The following NDUFS4 variants were observed in gnomAD, a reference collection of about 807,000 sequenced individuals.
NDUFS4 encodes NADH dehydrogenase [ubiquinone] iron-sulfur protein 4, mitochondrial.
Under a neutral mutation model 24.3 loss-of-function variants are expected in NDUFS4, and 28 were observed. That is an observed-to-expected ratio of 1.15 (90% CI 0.85 to 1.58). The LOEUF (loss-of-function observed/expected upper bound fraction) is 1.58. NDUFS4 is among the 40% of genes most tolerant of loss of function. The probability of loss-of-function intolerance (pLI) is 0.00; values close to 1 mark genes in which losing one functional copy is unlikely to be tolerated. For synonymous variants in NDUFS4, 93 were observed against 69.7 expected (o/e 1.34, Z -1.67); for missense variants, 223 against 207.9 (o/e 1.07, Z -0.45).
intron 1 of NDUFS4, among the ~76,000 whole-genome samples, chr5:53,577,509 G>T (rs1749424995): frequency 6.6e-6 from 1 of 151,856 alleles, no homozygotes; most frequent in South Asian, 2.1e-4. Context: ...TCCTAGTAAG[G>T]GGTCTAATAT....
chr5:53,590,159 T>C (rs1463674032), intron 1 of NDUFS4, among the ~76,000 whole-genome samples: 1 of 152,186 alleles, frequency 6.6e-6, no homozygotes, highest in Admixed American at 6.5e-5. Flanking sequence ...TAATCCTGTT[T>C]TGATTGAATT....
chr5:53,614,646 T>A (rs187455187), intron 2 of NDUFS4, among the ~76,000 whole-genome samples: 2 of 152,112 alleles, frequency 1.3e-5, no homozygotes, highest in Admixed American at 6.5e-5. Context: ...AGCCACAACA[T>A]CTTTAATGCA....
intron 2 of NDUFS4, among the ~76,000 whole-genome samples, chr5:53,638,726 T>C (rs1751624493): frequency 6.6e-6 from 1 of 152,110 alleles, no homozygotes; most frequent in Non-Finnish European, 1.5e-5. Flanking sequence ...ATTATCTTGA[T>C]AAAACACAAA....
chr5:53,653,908 G>A (rs1398869523), intron 3 of NDUFS4, among the ~76,000 whole-genome samples: 1 of 151,864 alleles, frequency 6.6e-6, no homozygotes, highest in African/African-American at 2.4e-5. Context: ...AGTTGATTTT[G>A]CATATAAGCC....
intron 2 of NDUFS4, among the ~76,000 whole-genome samples, chr5:53,619,306 TA>T (rs113660312): frequency 0.19 from 13,511 of 72,262 alleles, 685 homozygotes; most frequent in Non-Finnish European, 0.21. Context: ...GCTAAAAATT[TA>T]AAAAAAAAAA....
chr5:53,597,499 A>G (rs1388951736), intron 1 of NDUFS4, among the ~76,000 whole-genome samples: 2 of 152,192 alleles, frequency 1.3e-5, no homozygotes, highest in Admixed American at 6.5e-5. Context: ...GTTGATAGGT[A>G]GTTTCAAAAG....
At chr5:53,649,771 G>A (rs1017017048) in intron 3 of NDUFS4, among the ~76,000 whole-genome samples, 1 of 152,096 alleles carries the variant, frequency 6.6e-6, no homozygotes, top group Non-Finnish European at 1.5e-5. Context: ...TTCCATAGGG[G>A]TTGAATTGCT....
intron 3 of NDUFS4, among the ~76,000 whole-genome samples, chr5:53,651,030 C>T (rs893167679): frequency 1.3e-5 from 2 of 152,020 alleles, no homozygotes; most frequent in South Asian, 2.1e-4. Context: ...TTTTTCAAAA[C>T]GTAGTTTTGC....
chr5:53,582,412 T>C (rs1196462891), intron 1 of NDUFS4, among the ~76,000 whole-genome samples: 1 of 152,078 alleles, frequency 6.6e-6, no homozygotes. Context: ...TGCCATCACA[T>C]TGCAGGGCAC....
chr5:53,603,087 G>C (rs553635189), intron 1 of NDUFS4, among the ~76,000 whole-genome samples: 1 of 152,166 alleles, frequency 6.6e-6, no homozygotes, highest in African/African-American at 2.4e-5. Flanking sequence ...ATCCGTTTAA[G>C]AATCAGTGTT....
intron 2 of NDUFS4, among the ~76,000 whole-genome samples, chr5:53,613,604 T>TG (rs1257794779): frequency 2.9e-5 from 4 of 137,368 alleles, no homozygotes; most frequent in Non-Finnish European, 1.5e-5. Context: ...CAACTATAGT[T>TG]TTTTTTTTTT....
At chr5:53,641,965 G>C (rs1454549011) in intron 2 of NDUFS4, among the ~76,000 whole-genome samples, 1 of 152,076 alleles carries the variant, frequency 6.6e-6, no homozygotes, top group Non-Finnish European at 1.5e-5. Flanking sequence ...TTCAATATGT[G>C]CTCTACTAAA....
At chr5:53,611,367 A>C (rs1225555505) in intron 2 of NDUFS4, among the ~76,000 whole-genome samples, 2 of 152,018 alleles carry the variant, frequency 1.3e-5, no homozygotes, top group African/African-American at 2.4e-5. Context: ...GTTGAGTACA[A>C]ATCTTCAGAT....
At chr5:53,680,763 C>T (rs188377569) in intron 4 of NDUFS4, among the ~76,000 whole-genome samples, 95 of 151,988 alleles carry the variant, frequency 6.3e-4, no homozygotes, top group South Asian at 3.5e-3. Context: ...AGTTAATGGG[C>T]GCAGCACACC....
intron 1 of NDUFS4, among the ~76,000 whole-genome samples, chr5:53,563,683 G>A (rs112356207): frequency 4.0e-4 from 61 of 152,070 alleles, no homozygotes; most frequent in African/African-American, 1.4e-3. Flanking sequence ...TTTATTTTTA[G>A]TAGAGATGGA....
At chr5:53,567,562 A>G (rs1749073441) in intron 1 of NDUFS4, among the ~76,000 whole-genome samples, 1 of 149,626 alleles carries the variant, frequency 6.7e-6, no homozygotes, top group Admixed American at 6.7e-5. Context: ...TATACTGGAC[A>G]TTTTTTTTTT....
At position 53,681,459 on chromosome 5, in the gene NDUFS4, A is replaced by G. The variant is rs537823036; in HGVS notation, c.425-1659A>G. Among the ~76,000 whole-genome samples the G allele has an allele frequency of 6.6e-4, 101 of 152,242 alleles. 1 individual carries two copies. The highest frequency in any genetic ancestry group is 2.4e-3 in the African/African-American group (99 of 41,564). On this transcript the variant is annotated intron_variant, in intron 4 of 4. Transcript: ENST00000296684. Reference sequence around the variant, plus strand: ...GTACAAGACATGTACTTTAATCCTCATGACAACCTTATGAAAGACAAAGTT... The same window carrying G: ...GTACAAGACATGTACTTTAATCCTCGTGACAACCTTATGAAAGACAAAGTT...
Position 53,595,201 on chromosome 5 carries a change from T to C in NDUFS4, c.99-8251T>C, listed in dbSNP as rs141671985. 4.3e-3 allele frequency among the ~76,000 whole-genome samples: 659 copies of C among 152,286 alleles called. 5 individuals are homozygous for C. The highest frequency in any genetic ancestry group is 0.015 in the African/African-American group (614 of 41,566). On this transcript the variant is annotated intron_variant, in intron 1 of 4. Transcript: ENST00000296684. ...CTGTTACCTGGCAAGGAAATCTTAC[T>C]TTATTATTGTTTTTCAAATTTCCTT...
intron 2 of NDUFS4, among the ~76,000 whole-genome samples, chr5:53,641,681 A>C (rs2112501809): frequency 6.6e-6 from 1 of 152,286 alleles, no homozygotes; most frequent in South Asian, 2.1e-4. Flanking sequence ...TAGATATGAT[A>C]ATGCTATCTG....
Sources: gnomAD v4.1 joint callset for allele counts (sites outside exome capture counted in the v4.1 genomes callset) on GRCh38, gnomAD v4.1.1 for gene constraint, MANE v1.5 for transcripts, NCBI Gene and HGNC (gene_info 2026-07-23, HGNC 2026-07-21) for gene names.